The following DMXL1 variants were observed in gnomAD, a reference collection of about 807,000 sequenced individuals.
DMXL1 encodes dmX-like protein 1.
A neutral mutation model predicts 319.2 loss-of-function variants in DMXL1; 99 were observed. The ratio of observed to expected loss-of-function variants is 0.31; its 90% CI spans 0.26 to 0.37. DMXL1 has a LOEUF of 0.37. DMXL1 is among the 10% of genes least tolerant of loss of function. The probability of loss-of-function intolerance (pLI) is 1.00; values close to 1 mark genes in which losing one functional copy is unlikely to be tolerated. For missense variants in DMXL1, 3,745 were observed against 3,595.6 expected, an observed-to-expected ratio of 1.04 and a Z score of -1.06; for synonymous variants, 1,385 against 1,235.2, an observed-to-expected ratio of 1.12 and a Z score of -2.54.
At chr5:119,186,821 T>C (rs955020374) in intron 28 of DMXL1, among the ~76,000 whole-genome samples, 6 of 152,042 alleles carry the variant, frequency 3.9e-5, no homozygotes, top group African/African-American at 1.4e-4. Context: ...GAAAGGATTG[T>C]TAAGGGAAGG....
intron 2 of DMXL1, among the ~76,000 whole-genome samples, chr5:119,099,447 G>A (rs1334461416): frequency 6.6e-6 from 1 of 152,054 alleles, no homozygotes; most frequent in African/African-American, 2.4e-5. Context: ...CTGACCTAGC[G>A]ATTTGCCCTC....
intron 42 of DMXL1, among the ~76,000 whole-genome samples, chr5:119,243,576 A>T (rs1218567129): frequency 6.6e-6 from 1 of 151,988 alleles, no homozygotes; most frequent in Non-Finnish European, 1.5e-5. Flanking sequence ...TATTTCTCAT[A>T]CTGCTGTGTC....
At chr5:119,215,953 C>G (rs866840619) in intron 34 of DMXL1, among the ~76,000 whole-genome samples, 2 of 151,474 alleles carry the variant, frequency 1.3e-5, no homozygotes, top group African/African-American at 2.4e-5. Context: ...AAACTTAGCC[C>G]GGTGTGGTGG....
intron 25 of DMXL1, among the ~76,000 whole-genome samples, chr5:119,174,788 C>T (rs1046772101): frequency 2.2e-5 from 3 of 133,576 alleles, no homozygotes; most frequent in African/African-American, 7.6e-5. Context: ...TATCCTTTCT[C>T]TTTCTCTTTC....
intron 40 of DMXL1, among the ~76,000 whole-genome samples, chr5:119,237,681 G>A (rs2150718215): frequency 2.0e-5 from 3 of 152,046 alleles, no homozygotes; most frequent in Admixed American, 2.0e-4. Flanking sequence ...TGGATTACTA[G>A]AGCCCTTTTC....
intron 9 of DMXL1, among the ~76,000 whole-genome samples, chr5:119,123,709 T>C (rs1212564404): frequency 4.3e-5 from 2 of 46,596 alleles, no homozygotes; most frequent in Admixed American, 4.5e-4. Context: ...TTGCCCAGGC[T>C]GGTGTCAAAC....
chr5:119,143,798 T>C, intron 13 of DMXL1, 43 bp from the exon 14 acceptor site: 1 of 1,319,946 alleles, frequency 7.6e-7, no homozygotes, highest in South Asian at 1.4e-5. Context: ...CTTATTTGCA[T>C]ATGAATTGTT....
chr5:119,148,172 T>C (rs912705926), intron 17 of DMXL1, among the ~76,000 whole-genome samples: 2 of 152,196 alleles, frequency 1.3e-5, no homozygotes, highest in Non-Finnish European at 2.9e-5. Flanking sequence ...GCATTTGTTA[T>C]GGCAAATATA....
intron 7 of DMXL1, among the ~76,000 whole-genome samples, chr5:119,116,799 G>A (rs550776281): frequency 6.6e-6 from 1 of 152,232 alleles, no homozygotes; most frequent in East Asian, 1.9e-4. Flanking sequence ...CCCAGCATAT[G>A]TGAGGAAAAG....
intron 1 of DMXL1, among the ~76,000 whole-genome samples, chr5:119,077,652 GTATATGTGTGTGTGTATA>G (rs1244228443): frequency 1.7e-4 from 11 of 62,998 alleles, no homozygotes; most frequent in South Asian, 4.3e-4. Context: ...TTTTTTTTTT[GTATATGTGTGTGTGTATA>G]TATATGTGTG....
chr5:119,128,911 A>C (rs1764197669), intron 9 of DMXL1, among the ~76,000 whole-genome samples: 1 of 152,102 alleles, frequency 6.6e-6, no homozygotes, highest in African/African-American at 2.4e-5. Context: ...TGAAAATACA[A>C]AAATTAGCTG....
intron 1 of DMXL1, among the ~76,000 whole-genome samples, chr5:119,073,894 A>G (rs973411212): frequency 2.0e-5 from 3 of 149,956 alleles, no homozygotes; most frequent in South Asian, 4.2e-4. Flanking sequence ...GGCAGAATCT[A>G]TTGTTTACTT....
intron 8 of DMXL1, among the ~76,000 whole-genome samples, chr5:119,119,749 G>T (rs1333562886): frequency 6.6e-6 from 1 of 152,082 alleles, no homozygotes; most frequent in Non-Finnish European, 1.5e-5. Flanking sequence ...GACCTCAAGT[G>T]ATCTACCTGC....
intron 9 of DMXL1, among the ~76,000 whole-genome samples, chr5:119,126,375 G>C (rs182922233): frequency 6.6e-6 from 1 of 152,118 alleles, no homozygotes; most frequent in Non-Finnish European, 1.5e-5. Context: ...AAAAGTTTGC[G>C]TCATAGCAAT....
In DMXL1 at chr5:119,071,548, G is replaced by A. The variant is rs1197793319; in HGVS notation, c.-22G>A. 6.3e-7 allele frequency: 1 copy of A among 1,592,232 alleles called. No individual in the cohort carries two copies. Among genetic ancestry groups the A allele is most frequent in the Non-Finnish European group, 8.6e-7 (1 of 1,169,218 alleles). ...GTGGCATGAGCTGGATGCGGTGTCC[G>A]TTGCAGGACTAGGGCGCCGACATGA... On this transcript the variant is annotated 5_prime_UTR_variant, in exon 1 of 44. Coordinates refer to ENST00000539542, the MANE Select transcript of DMXL1 (RefSeq NM_001290321.3).
intron 1 of DMXL1, among the ~76,000 whole-genome samples, chr5:119,096,884 T>A (rs1756093062): frequency 6.6e-6 from 1 of 152,254 alleles, no homozygotes; most frequent in East Asian, 1.9e-4. Flanking sequence ...TGTGTTAGAA[T>A]TGAGGACTAG....
chr5:119,197,879 C>T lies in DMXL1; in HGVS notation c.7668C>T (p.Thr2556=), dbSNP rs186037183. The part of the protein sequence containing the change: ...GPPQNYIASH[T]AEESLSAGPA... ...CTCAAAATTATATCGCAAGTCATAC[C>T]GCCGAAGAGAGTTTGTCTGCAGGTC... Residue 2556 remains threonine, a synonymous_variant, in exon 32 of 44, where the codon ACC becomes ACT. Coordinates refer to ENST00000539542, the MANE Select transcript of DMXL1 (RefSeq NM_001290321.3). 7.1e-5 allele frequency: 115 copies of T among 1,614,148 alleles called. 2 individuals are homozygous for T. The Middle Eastern group carries it at 8.2e-4, about 12-fold the overall frequency.
chr5:119,097,961 A>G lies in DMXL1; in HGVS notation c.88-18A>G. The G allele has an allele frequency of 6.3e-7, 1 of 1,578,012 alleles. No individual in the cohort carries two copies. Among genetic ancestry groups the G allele is most frequent in the African/African-American group, 1.4e-5 (1 of 72,656 alleles). On this transcript the variant is annotated intron_variant, in intron 1 of 43. Transcript: ENST00000539542. The stretch of plus-strand genomic sequence containing the variant: ...TTTCCTTGACACTTTTATCATTTTT[A>G]TTTATTTATTTTTTTAGGCTTATGC...
At chr5:119,184,097 A>G (rs1041353297) in intron 28 of DMXL1, among the ~76,000 whole-genome samples, 3 of 147,050 alleles carry the variant, frequency 2.0e-5, no homozygotes, top group Non-Finnish European at 4.4e-5. Flanking sequence ...TCTGTCGCCC[A>G]GGCTGGAATG....
Sources: gnomAD v4.1 joint callset for allele counts (sites outside exome capture counted in the v4.1 genomes callset) on GRCh38, gnomAD v4.1.1 for gene constraint, MANE v1.5 for transcripts, NCBI Gene and HGNC (gene_info 2026-07-23, HGNC 2026-07-21) for gene names.